Variants in ATRNL1 observed in about 807,000 individuals in gnomAD.
ATRNL1 encodes attractin like 1.
A neutral mutation model predicts 182.7 loss-of-function variants in ATRNL1; 95 were observed. The observed-to-expected ratio is 0.52, with a 90% CI of 0.44 to 0.62. ATRNL1 has a LOEUF of 0.62. Among genes scored for constraint, ATRNL1 ranks in the 20% least tolerant of loss-of-function variants. The pLI, the probability that ATRNL1 is intolerant of heterozygous loss-of-function variation, is 0.00. For missense variants in ATRNL1, 1,471 were observed against 1,679.5 expected (o/e 0.88, Z 2.17); for synonymous variants, 576 against 568.3 (o/e 1.01, Z -0.19).
chr10:115,466,603 A>G (rs1554970846), intron 22 of ATRNL1, among the ~76,000 whole-genome samples: 1 of 151,332 alleles, frequency 6.6e-6, no homozygotes, highest in African/African-American at 2.4e-5. Flanking sequence ...GCATAAAATT[A>G]AATTCTCAGT....
At chr10:115,924,765 GTTTTTTC>G (rs1402888374) in intron 28 of ATRNL1, among the ~76,000 whole-genome samples, 2 of 152,156 alleles carry the variant, frequency 1.3e-5, no homozygotes, top group Admixed American at 1.3e-4. Flanking sequence ...ATCTAAAGTA[GTTTTTTC>G]TAATTCTGTG....
At position 115,286,360 on chromosome 10, in the gene ATRNL1, A is replaced by C. The variant is rs1554918909; in HGVS notation, c.2378A>C (p.Glu793Ala). 6.2e-6 allele frequency: 10 copies of C among 1,605,616 alleles called. No homozygotes were observed. The highest frequency in any genetic ancestry group is 8.5e-6 in the Non-Finnish European group (10 of 1,174,280). ...LASLTTSKEV[E>A]FVLDEIQKYT... is the part of the protein sequence containing the mutation. ...TCATTAACAACCTCAAAAGAAGTAG[A>C]ATTTGTTCTGGATGAAATACAGAAG... Residue 793 changes from glutamate (E) to alanine (A), a missense_variant, in exon 15 of 29, where the codon GAA (glutamate) becomes GCA (alanine). By Grantham distance (107) the Glu-to-Ala change is moderately radical. This residue lies in a region of ATRNL1 where 1,031 missense variants were observed against 1,156.0 expected (regional missense o/e 0.89). Transcript: ENST00000355044.
chr10:115,776,492 G>A (rs999191337), intron 27 of ATRNL1, among the ~76,000 whole-genome samples: 1 of 152,194 alleles, frequency 6.6e-6, no homozygotes, highest in Admixed American at 6.5e-5. Flanking sequence ...TTGAATCTGG[G>A]TGGGATCTGA....
intron 25 of ATRNL1, among the ~76,000 whole-genome samples, chr10:115,524,502 T>A (rs2133718183): frequency 6.6e-6 from 1 of 152,320 alleles, no homozygotes; most frequent in South Asian, 2.1e-4. Context: ...AAATGGAAAT[T>A]TGGTAGAGAC....
Position 115,215,754 on chromosome 10 carries a change from G to A in ATRNL1, c.1406G>A (p.Gly469Asp). 1 of 1,609,472 alleles carries A rather than the reference G, an allele frequency of 6.2e-7. No homozygotes were observed. The highest frequency in any genetic ancestry group is 8.5e-7 in the Non-Finnish European group (1 of 1,178,274). Residue 469 changes from glycine to aspartate, a missense_variant, in exon 9 of 29, where the codon GGC (glycine) becomes GAC (aspartate). Coordinates refer to ENST00000355044, the MANE Select transcript of ATRNL1 (RefSeq NM_207303.4). ...TKGAIVQGGY[G>D]HTSVYDEITK... ...GGAGCTATTGTACAAGGTGGATATG[G>A]CCATACTAGTGTGTATGATGAAATA...
intron 19 of ATRNL1, among the ~76,000 whole-genome samples, chr10:115,384,325 A>T (rs1858208750): frequency 6.6e-6 from 1 of 151,974 alleles, no homozygotes; most frequent in South Asian, 2.1e-4. Context: ...CACAATCAAG[A>T]TAAACATTTT....
chr10:115,403,740 G>C (rs595487), intron 20 of ATRNL1, among the ~76,000 whole-genome samples: 57,929 of 152,048 alleles, frequency 0.38, 12,216 homozygotes, highest in African/African-American at 0.57. Flanking sequence ...GCATGAGCCA[G>C]TGCACCCAGC....
intron 13 of ATRNL1, among the ~76,000 whole-genome samples, chr10:115,271,997 G>T (rs551631642): frequency 1.3e-5 from 2 of 152,220 alleles, no homozygotes; most frequent in Admixed American, 6.5e-5. Context: ...CTTGAGGTCT[G>T]GTCGTTTAAA....
chr10:115,714,662 T>C (rs10749179), intron 26 of ATRNL1, among the ~76,000 whole-genome samples: 56,954 of 151,992 alleles, frequency 0.37, 11,578 homozygotes, highest in East Asian at 0.59. Context: ...GTTCAATAGA[T>C]TCATTATTGA....
At chr10:115,434,753 A>G (rs1330394834) in intron 21 of ATRNL1, among the ~76,000 whole-genome samples, 1 of 152,158 alleles carries the variant, frequency 6.6e-6, no homozygotes, top group African/African-American at 2.4e-5. Context: ...TTCAAGTTAA[A>G]TAATACACTT....
intron 28 of ATRNL1, among the ~76,000 whole-genome samples, chr10:115,925,452 GAC>G (rs1209531257): frequency 4.6e-5 from 7 of 152,172 alleles, no homozygotes; most frequent in Admixed American, 3.3e-4. Flanking sequence ...CCAATTAAAA[GAC>G]ACAGACTGGT....
intron 8 of ATRNL1, among the ~76,000 whole-genome samples, chr10:115,213,294 C>G (rs1271074911): frequency 1.3e-5 from 2 of 152,070 alleles, no homozygotes; most frequent in East Asian, 1.9e-4. Flanking sequence ...TGAGATCTCT[C>G]TTTGCAGTCT....
At chr10:115,370,678 G>A (rs1857347462) in intron 19 of ATRNL1, among the ~76,000 whole-genome samples, 1 of 152,188 alleles carries the variant, frequency 6.6e-6, no homozygotes, top group Non-Finnish European at 1.5e-5. Flanking sequence ...AAGGCATTCA[G>A]TTTTAAAAGG....
chr10:115,689,859 AG>A (rs1473447923), intron 26 of ATRNL1, among the ~76,000 whole-genome samples: 1 of 152,154 alleles, frequency 6.6e-6, no homozygotes, highest in African/African-American at 2.4e-5. Flanking sequence ...CCACACCATC[AG>A]TGGGGGCACA....
chr10:115,595,334 A>G (rs17093333), intron 26 of ATRNL1, among the ~76,000 whole-genome samples: 3 of 152,154 alleles, frequency 2.0e-5, no homozygotes, highest in Non-Finnish European at 4.4e-5. Flanking sequence ...ACGAGTTTTC[A>G]ACTGGAAAAT....
At chr10:115,660,187 A>G (rs1860595181) in intron 26 of ATRNL1, among the ~76,000 whole-genome samples, 1 of 152,024 alleles carries the variant, frequency 6.6e-6, no homozygotes, top group African/African-American at 2.4e-5. Context: ...TTTCAGAGAG[A>G]TTTTACAGAT....
At chr10:115,102,584 C>T (rs1843820378) in intron 1 of ATRNL1, among the ~76,000 whole-genome samples, 1 of 152,106 alleles carries the variant, frequency 6.6e-6, no homozygotes, top group Admixed American at 6.5e-5. Flanking sequence ...GCTGGGATTA[C>T]AAGCATGTGC....
chr10:115,300,123 G>C lies in ATRNL1; in HGVS notation c.2505G>C (p.Gln835His). ...CTCCTTTTACAAACACAACACTACA[G>C]TGGCTTCCTGGCGAACCCAATGATT... ...DMSPFTNTTL[Q>H]WLPGEPNDSG... Residue 835 changes from glutamine to histidine, a missense_variant, in exon 16 of 29, where the codon CAG becomes CAC. Physicochemically the swap from Gln to His is conservative, Grantham distance 24. This residue lies in a region of ATRNL1 where 1,031 missense variants were observed against 1,156.0 expected (regional missense o/e 0.89). Transcript: ENST00000355044. The C allele has an allele frequency of 6.2e-7, 1 of 1,614,024 alleles. No individual in the cohort carries two copies. Among genetic ancestry groups the C allele is most frequent in the South Asian group, 1.1e-5 (1 of 91,080 alleles).
chr10:115,530,277 T>A (rs1851489251), intron 25 of ATRNL1, among the ~76,000 whole-genome samples: 1 of 152,168 alleles, frequency 6.6e-6, no homozygotes, highest in Non-Finnish European at 1.5e-5. Context: ...AACTCTAGGT[T>A]AAACATTGTG....
Sources: gnomAD v4.1 joint callset for allele counts (sites outside exome capture counted in the v4.1 genomes callset) on GRCh38, gnomAD v4.1.1 for gene constraint, gnomAD v4.1.1 regional missense constraint, MANE v1.5 for transcripts, NCBI Gene and HGNC (gene_info 2026-07-23, HGNC 2026-07-21) for gene names.